The following TENM1 variants were observed in gnomAD, a reference collection of about 807,000 sequenced individuals.
TENM1 encodes the protein teneurin transmembrane protein 1.
TENM1 carries 35 observed loss-of-function variants against 174.8 expected under a neutral mutation model. The ratio of observed to expected loss-of-function variants is 0.20; its 90% CI spans 0.15 to 0.27. TENM1 has a LOEUF of 0.27. TENM1 is among the 10% of genes least tolerant of loss of function. The probability of loss-of-function intolerance (pLI) is 1.00; values close to 1 mark genes in which losing one functional copy is unlikely to be tolerated. For synonymous variants in TENM1, 781 were observed against 798.7 expected, an observed-to-expected ratio of 0.98 and a Z score of 0.37; for missense variants, 1,633 against 2,130.1, an observed-to-expected ratio of 0.77 and a Z score of 4.59.
intron 5 of TENM1, among the ~76,000 whole-genome samples, chrX:124,683,612 A>C (rs1305060085): frequency 8.9e-6 from 1 of 112,005 alleles, no homozygotes; most frequent in Non-Finnish European, 1.9e-5. Flanking sequence ...ATGACACTTA[A>C]ATTTTATTGA....
intron 16 of TENM1, among the ~76,000 whole-genome samples, chrX:124,524,322 C>T (rs1315728102): frequency 1.8e-5 from 2 of 111,972 alleles, no homozygotes; most frequent in South Asian, 3.7e-4. Flanking sequence ...GAGAATGATG[C>T]ATTATTCATT....
At chrX:124,636,924 T>G (rs6655724) in intron 11 of TENM1, among the ~76,000 whole-genome samples, 5,424 of 111,557 alleles carry the variant, frequency 0.049, 236 homozygotes, top group African/African-American at 0.13. Context: ...AAAGAAGATA[T>G]TCAATGAAAA....
intron 1 of TENM1, among the ~76,000 whole-genome samples, chrX:124,951,881 A>G (rs1157768794): frequency 1.8e-5 from 2 of 109,791 alleles, no homozygotes; most frequent in African/African-American, 6.6e-5. Context: ...GCCCGCTTGT[A>G]GCTTGTACTT....
chrX:125,109,319 T>C, the TENM1 span, among the ~76,000 whole-genome samples: 2 of 112,234 alleles, frequency 1.8e-5, no homozygotes, highest in East Asian at 5.6e-4. Context: ...GTAGTGCCCA[T>C]TCTTAGCACC....
At chrX:124,970,546 T>A in the TENM1 span, among the ~76,000 whole-genome samples, 13 of 112,630 alleles carry the variant, frequency 1.2e-4, no homozygotes, top group Non-Finnish European at 1.9e-4. Context: ...TGACTGATTC[T>A]CCTCTTAACT....
intron 11 of TENM1, among the ~76,000 whole-genome samples, chrX:124,632,943 A>G (rs1298871132): frequency 1.8e-5 from 2 of 111,561 alleles, no homozygotes; most frequent in Non-Finnish European, 3.8e-5. Context: ...AACCTCTCTC[A>G]GCCATCTCCA....
intron 18 of TENM1, among the ~76,000 whole-genome samples, chrX:124,503,905 C>A (rs145203351): frequency 9.0e-6 from 1 of 111,612 alleles, no homozygotes; most frequent in Admixed American, 9.5e-5. Context: ...CAGGGCATAT[C>A]GGATAAATAT....
At chrX:124,653,832 T>C (rs1386693894) in intron 6 of TENM1, 49 bp from the exon 10 acceptor site, 1 of 1,049,345 alleles carries the variant, frequency 9.5e-7, no homozygotes, top group African/African-American at 1.9e-5. Flanking sequence ...TCTTAATTTA[T>C]AAAGCAATGG....
At chrX:125,034,519 G>A in the TENM1 span, among the ~76,000 whole-genome samples, 1 of 111,582 alleles carries the variant, frequency 9.0e-6, no homozygotes, top group African/African-American at 3.3e-5. Context: ...CAACAGGGAT[G>A]TAGGATCTTC....
chrX:124,755,337 C>T (rs1366572793), intron 3 of TENM1, among the ~76,000 whole-genome samples: 2 of 110,612 alleles, frequency 1.8e-5, no homozygotes, highest in African/African-American at 6.6e-5. Flanking sequence ...TTTCCATTTG[C>T]TTGGTAGATC....
chrX:125,200,654 T>TGTGTGTGAGAGAGAGAGAGA, the TENM1 span, among the ~76,000 whole-genome samples: 8 of 92,424 alleles, frequency 8.7e-5, no homozygotes, highest in African/African-American at 3.4e-4. Flanking sequence ...TGTGTGTGTG[T>TGTGTGTGAGAGAGAGAGAGA]GAGAGAGAGA....
intron 3 of TENM1, among the ~76,000 whole-genome samples, chrX:124,845,218 TCA>T (rs2056583174): frequency 8.9e-6 from 1 of 112,422 alleles, no homozygotes; most frequent in African/African-American, 3.2e-5. Flanking sequence ...TTTCAGTCTT[TCA>T]CACTTTTAAC....
chrX:124,404,801 A>G (rs2060443404), intron 27 of TENM1, among the ~76,000 whole-genome samples: 2 of 111,286 alleles, frequency 1.8e-5, no homozygotes, highest in Non-Finnish European at 1.9e-5. Flanking sequence ...GGCTAATGAC[A>G]AAGAAAGCTC....
At chrX:125,091,366 T>C in the TENM1 span, among the ~76,000 whole-genome samples, 1 of 111,427 alleles carries the variant, frequency 9.0e-6, no homozygotes, top group East Asian at 2.8e-4. Context: ...GAGATGGCTA[T>C]TGGGTGGAAT....
chrX:125,034,408 C>T, the TENM1 span, among the ~76,000 whole-genome samples: 1 of 111,290 alleles, frequency 9.0e-6, no homozygotes, highest in Non-Finnish European at 1.9e-5. Flanking sequence ...TATAAAGGTA[C>T]AAGTTTGGGA....
At chrX:124,910,479 T>C (rs7891634) in intron 1 of TENM1, among the ~76,000 whole-genome samples, 1,535 of 112,205 alleles carry the variant, frequency 0.014, 33 homozygotes, top group African/African-American at 0.047. Flanking sequence ...TGAGTCTACA[T>C]GATGCCTGGA....
chrX:124,673,184 C>A (rs752032290), intron 5 of TENM1, among the ~76,000 whole-genome samples: 59 of 110,999 alleles, frequency 5.3e-4, no homozygotes, highest in Non-Finnish European at 9.3e-4. Context: ...CAGGGCTGAA[C>A]AAAATATGAC....
At chrX:124,987,208 T>A in the TENM1 span, among the ~76,000 whole-genome samples, 1 of 111,846 alleles carries the variant, frequency 8.9e-6, no homozygotes, top group South Asian at 3.8e-4. Context: ...AGAATTCCAA[T>A]AAGTTCATGA....
chrX:124,537,440 A>C (rs1379431531), intron 15 of TENM1, among the ~76,000 whole-genome samples: 3 of 111,853 alleles, frequency 2.7e-5, no homozygotes, highest in African/African-American at 9.7e-5. Context: ...AGAAGTTAAA[A>C]GTTTTGCACT....
Sources: gnomAD v4.1 joint callset for allele counts (sites outside exome capture counted in the v4.1 genomes callset) on GRCh38, gnomAD v4.1.1 for gene constraint, MANE v1.5 for transcripts, NCBI Gene and HGNC (gene_info 2026-07-23, HGNC 2026-07-21) for gene names.